The following MPDZ variants were observed in gnomAD, a reference collection of about 807,000 sequenced individuals.
The protein encoded by MPDZ is multiple PDZ domain protein.
In MPDZ, 234 loss-of-function variants were observed where a neutral mutation model predicts 239.1. The observed-to-expected ratio is 0.98, with a 90% CI of 0.88 to 1.09. The LOEUF is 1.09. MPDZ is among the 50% of genes least tolerant of loss of function. The probability of loss-of-function intolerance (pLI) is 0.00; values close to 1 mark genes in which losing one functional copy is unlikely to be tolerated. For synonymous variants in MPDZ, 1,048 were observed against 881.3 expected (o/e 1.19, Z -3.35); for missense variants, 3,175 against 2,510.0 (o/e 1.26, Z -5.66).
At position 13,199,509 on chromosome 9, in the gene MPDZ, C is replaced by T. The variant is rs553295945; in HGVS notation, c.1547-3279G>A. 1.3e-4 allele frequency among the ~76,000 whole-genome samples: 19 copies of T among 151,920 alleles called. No individual in the cohort carries two copies. In the East Asian group the frequency reaches 2.3e-3, roughly 19 times the overall value. On this transcript the variant is annotated intron_variant, in intron 12 of 46. Transcript: ENST00000319217. ...CCGTTATTTCCTTCTCTTGCTTAAC[C>T]GCTCTGGCAAGGACTTGCAGTACTT...
intron 19 of MPDZ, among the ~76,000 whole-genome samples, chr9:13,181,133 A>G (rs912182047): frequency 1.3e-5 from 2 of 152,190 alleles, no homozygotes; most frequent in African/African-American, 2.4e-5. Context: ...ATAATCACAT[A>G]GTTAGCAAAG....
At chr9:13,273,398 G>T (rs1377200386) in intron 1 of MPDZ, among the ~76,000 whole-genome samples, 1 of 152,254 alleles carries the variant, frequency 6.6e-6, no homozygotes, top group South Asian at 2.1e-4. Context: ...AGCTTCTCAT[G>T]ACCATTTTCT....
chr9:13,193,355 T>C (rs774551742), intron 13 of MPDZ, 42 bp from the exon 14 acceptor site: 4 of 1,555,566 alleles, frequency 2.6e-6, no homozygotes, highest in East Asian at 4.5e-5. Flanking sequence ...TTTTATATTC[T>C]TTTTATTTTT....
At chr9:13,209,458 T>C (rs1179459455) in intron 10 of MPDZ, among the ~76,000 whole-genome samples, 1 of 152,172 alleles carries the variant, frequency 6.6e-6, no homozygotes, top group African/African-American at 2.4e-5. Flanking sequence ...CCCTTCCCTG[T>C]CACTTTGTCA....
chr9:13,115,139 C>G, intron 40 of MPDZ, 109 bp downstream of exon 40: 2 of 849,674 alleles, frequency 2.4e-6, no homozygotes, highest in Non-Finnish European at 3.8e-6. Context: ...AGTCACTATC[C>G]CACGCTGCCA....
chr9:13,248,688 T>C (rs898659455), intron 2 of MPDZ, among the ~76,000 whole-genome samples: 4 of 151,496 alleles, frequency 2.6e-5, no homozygotes, highest in African/African-American at 9.7e-5. Context: ...TGGGAATCAG[T>C]GGGGCGCGGT....
chr9:13,272,248 A>G (rs1712957378), intron 1 of MPDZ, among the ~76,000 whole-genome samples: 1 of 152,328 alleles, frequency 6.6e-6, no homozygotes. Context: ...GAATAGGTTG[A>G]CTTTAGCATC....
chr9:13,148,023 G>A (rs1440051798), intron 25 of MPDZ, among the ~76,000 whole-genome samples: 1 of 152,004 alleles, frequency 6.6e-6, no homozygotes. Flanking sequence ...GAAAGTCACT[G>A]TACTAATTTT....
chr9:13,277,212 A>G (rs1246138083), intron 1 of MPDZ, among the ~76,000 whole-genome samples: 1 of 152,178 alleles, frequency 6.6e-6, no homozygotes, highest in African/African-American at 2.4e-5. Flanking sequence ...TTTCCAAGCC[A>G]CAACCTTCAG....
Position 13,223,623 on chromosome 9 carries a change from C to T in MPDZ, c.481G>A (p.Gly161Arg), listed in dbSNP as rs780357283. The T allele has an allele frequency of 6.2e-7, 1 of 1,612,558 alleles. No individual in the cohort carries two copies. The highest frequency in any genetic ancestry group is 8.5e-7 in the Non-Finnish European group (1 of 1,179,064). ...TCTTGAACAAATATTCCCAGCTCTCCTCTGTTTTCACTTCTTAGTCCCACA... is the reference window on the plus strand; with the variant it reads ...TCTTGAACAAATATTCCCAGCTCTCTTCTGTTTTCACTTCTTAGTCCCACA... The part of the protein sequence containing the change: ...SVVGLRSENR[G>R]ELGIFVQEIQ... Residue 161 changes from glycine (G) to arginine (R), a missense_variant, in exon 5 of 47, where the codon GGA becomes AGA. Physicochemically the swap from Gly to Arg is moderately radical, Grantham distance 125 (BLOSUM62 -2). Coordinates refer to ENST00000319217, the MANE Select transcript of MPDZ (RefSeq NM_001378778.1).
chr9:13,265,597 T>G (rs1971619435), intron 1 of MPDZ, among the ~76,000 whole-genome samples: 1 of 152,094 alleles, frequency 6.6e-6, no homozygotes, highest in Non-Finnish European at 1.5e-5. Flanking sequence ...AGAAAGCATT[T>G]GGTACTCAAA....
intron 1 of MPDZ, among the ~76,000 whole-genome samples, chr9:13,258,163 T>A (rs890612881): frequency 6.6e-6 from 1 of 152,218 alleles, no homozygotes; most frequent in Non-Finnish European, 1.5e-5. Context: ...TCATTTTACA[T>A]TTCAACAAGT....
intron 3 of MPDZ, 38 bp from the exon 4 acceptor site, chr9:13,224,621 T>G: frequency 7.4e-7 from 1 of 1,347,974 alleles, no homozygotes; most frequent in Non-Finnish European, 1.0e-6. Context: ...ATTTTGACAT[T>G]CCATAAACTA....
chr9:13,222,282 A>T lies in MPDZ; in HGVS notation c.698T>A (p.Val233Asp), dbSNP rs758716928. Residue 233 changes from valine to aspartate, a missense_variant, in exon 6 of 47, where the codon GTT becomes GAT. Coordinates refer to ENST00000319217, the MANE Select transcript of MPDZ (RefSeq NM_001378778.1). ...GSLPQLVSPI[V>D]SRSPSAASTI... ...GCTGGCTGCAGATGGAGAACGGGAA[A>T]CTATGGGGCTGACAAGCTGAGGCAA... 3.1e-6 allele frequency: 5 copies of T among 1,612,850 alleles called. No homozygotes were observed. In the South Asian group the frequency reaches 5.5e-5, roughly 18 times the overall value.
chr9:13,216,970 T>C lies in MPDZ; in HGVS notation c.1202-108A>G, dbSNP rs1261638091. The C allele has an allele frequency of 9.1e-6, 8 of 878,834 alleles. No individual in the cohort carries two copies. In the Admixed American group the frequency reaches 9.6e-5, roughly 11 times the overall value. The allele number at this position is 878,834 out of a possible 1,614,324, so 54.4% of individuals were successfully genotyped here. A position where few individuals can be genotyped will look rare whatever the true frequency, so the allele number is the denominator to read the frequency against. On this transcript the variant is annotated intron_variant, in intron 9 of 46. Coordinates refer to ENST00000319217, the MANE Select transcript of MPDZ (RefSeq NM_001378778.1). ...TCTAATTCAGAATAAATACGTATCA[T>C]CTAGTAGAAACACAGGCTAAAGAAT...
chr9:13,242,292 C>A (rs1470307361), intron 3 of MPDZ, among the ~76,000 whole-genome samples: 1 of 117,490 alleles, frequency 8.5e-6, no homozygotes, highest in East Asian at 2.9e-4. Flanking sequence ...GTGGCGCAAT[C>A]TGGGCTCACC....
intron 16 of MPDZ, 24 bp from the exon 17 acceptor site, chr9:13,189,017 G>A: frequency 6.3e-7 from 1 of 1,594,670 alleles, no homozygotes; most frequent in Non-Finnish European, 8.6e-7. Flanking sequence ...AAAGGAAAGA[G>A]TCAGCTCATT....
chr9:13,260,422 G>C (rs1970421027), intron 1 of MPDZ, among the ~76,000 whole-genome samples: 1 of 152,136 alleles, frequency 6.6e-6, no homozygotes, highest in South Asian at 2.1e-4. Flanking sequence ...GTTACTGATG[G>C]ATGGTAATAC....
intron 23 of MPDZ, among the ~76,000 whole-genome samples, chr9:13,162,204 C>T (rs1457482910): frequency 6.6e-6 from 1 of 150,604 alleles, no homozygotes; most frequent in East Asian, 2.0e-4. Context: ...GTAGAGGCTG[C>T]AGTTAACTGT....
Sources: allele counts gnomAD v4.1 joint callset (sites outside exome capture counted in the v4.1 genomes callset), GRCh38; gene constraint gnomAD v4.1.1; transcripts MANE v1.5; gene names NCBI Gene and HGNC (gene_info 2026-07-23, HGNC 2026-07-21).